The following EIF1 variants were observed in gnomAD, a reference collection of about 807,000 sequenced individuals.
The protein encoded by EIF1 is eukaryotic translation initiation factor 1.
Under a neutral mutation model 13.7 loss-of-function variants are expected in EIF1, and 4 were observed. The observed-to-expected ratio is 0.29, with a 90% confidence interval of 0.14 to 0.67. The LOEUF (loss-of-function observed/expected upper bound fraction) is 0.67. Ranked by LOEUF, EIF1 falls within the 30% of genes least tolerant of loss-of-function variation. The pLI, the probability that EIF1 is intolerant of heterozygous loss-of-function variation, is 0.77. For missense variants in EIF1, 64 were observed against 138.0 expected (o/e 0.46, Z 2.69); for synonymous variants, 67 against 50.7 (o/e 1.32, Z -1.37).
At chr17:41,690,049 C>T in intron 2 of EIF1, 39 bp from the exon 3 acceptor site, 6 of 1,610,692 alleles carry the variant, frequency 3.7e-6, no homozygotes, top group Non-Finnish European at 5.1e-6. Flanking sequence ...TGCGTTCATG[C>T]TCTTGCTAGG....
intron 3 of EIF1, 104 bp downstream of exon 3, chr17:41,690,293 CA>C: frequency 2.3e-6 from 2 of 874,684 alleles, no homozygotes; most frequent in Non-Finnish European, 1.8e-6. Context: ...TAAGGCTGAG[CA>C]AAACCTCAGT....
At chr17:41,689,424 C>T (rs1567766399) in intron 1 of EIF1, 7 of 497,042 alleles carry the variant, frequency 1.4e-5, no homozygotes, top group Non-Finnish European at 2.1e-5. Flanking sequence ...GGTGCCAGCC[C>T]TAAGTGGCAA....
rs1291331484 is a variant in EIF1, at chr17:41,691,492, T to C, written c.*666T>C. 6.5e-6 allele frequency: 1 copy of C among 153,130 alleles called. No homozygotes were observed. The highest frequency in any genetic ancestry group is 6.5e-5 in the Admixed American group (1 of 15,298). 9.5% of individuals were successfully genotyped at this position (153,130 alleles called of 1,614,324 possible). On this transcript the variant is annotated 3_prime_UTR_variant, in exon 4 of 4. Transcript: ENST00000469257. ...AAATCTCAAACTGATCCATCAGTCA[T>C]GTAGCTAGCTGTAGAGCTTGCAACT... is the stretch of plus-strand genomic sequence containing the variant.
In EIF1 at chr17:41,691,246, G is replaced by A; in HGVS notation, c.*420G>A. On this transcript the variant is annotated 3_prime_UTR_variant, in exon 4 of 4. Transcript: ENST00000469257. Reference sequence around the variant, plus strand: ...AGGATGGGGTAAGGCAGAAGCACCAGCTGTACTACTAGAAGGGAGCTTTTG... The same window carrying A: ...AGGATGGGGTAAGGCAGAAGCACCAACTGTACTACTAGAAGGGAGCTTTTG... The A allele has an allele frequency of 3.0e-6, 1 of 330,522 alleles. No homozygotes were observed. The highest frequency in any genetic ancestry group is 4.7e-5 in the East Asian group (1 of 21,340). The allele number at this position is 330,522 out of a possible 1,614,324, so 20.5% of individuals were successfully genotyped here. A position where few individuals can be genotyped will look rare whatever the true frequency, so the allele number is the denominator to read the frequency against.
intron 1 of EIF1, 106 bp downstream of exon 1, chr17:41,689,175 G>GGCAGGGGAAACTTGACCAGGGTC (rs1318084496): frequency 7.4e-7 from 1 of 1,344,904 alleles, no homozygotes; most frequent in Non-Finnish European, 1.1e-6. Flanking sequence ...CGTAAGCTCG[G>GGCAGGGGAAACTTGACCAGGGTC]GCAGGGGAAA....
At chr17:41,689,093 GC>G (rs1910285613) in intron 1 of EIF1, 24 bp downstream of exon 1, 1 of 1,613,154 alleles carries the variant, frequency 6.2e-7, no homozygotes, top group South Asian at 1.1e-5. Flanking sequence ...AAGGTCGCGG[GC>G]CCGGGTGGGG....
chr17:41,689,706 C>A, intron 1 of EIF1, 72 bp from the exon 2 acceptor site: 1 of 1,476,616 alleles, frequency 6.8e-7, no homozygotes, highest in Non-Finnish European at 9.1e-7. Context: ...GCGCAAAACA[C>A]CTGGGGACCG....
rs1910387865 is a variant in EIF1, at chr17:41,691,781, T to C, written c.*955T>C. 6.6e-6 allele frequency: 1 copy of C among 152,596 alleles called. No individual in the cohort carries two copies. The highest frequency in any genetic ancestry group is 2.1e-4 in the South Asian group (1 of 4,826). 9.5% of individuals were successfully genotyped at this position (152,596 alleles called of 1,614,324 possible). On this transcript the variant is annotated 3_prime_UTR_variant, in exon 4 of 4. Coordinates refer to ENST00000469257, the MANE Select transcript of EIF1 (RefSeq NM_005801.4). ...TTGGCCAAGAAAAACCTTTATGAGCTTGTCCCTCTCTGGTCAACTGGTTTT... is the reference window on the plus strand; with the variant it reads ...TTGGCCAAGAAAAACCTTTATGAGCCTGTCCCTCTCTGGTCAACTGGTTTT...
chr17:41,690,692 G>A, intron 3 of EIF1, 90 bp from the exon 4 acceptor site: 1 of 1,444,904 alleles, frequency 6.9e-7, no homozygotes, highest in South Asian at 1.1e-5. Context: ...GGGCAGTGTA[G>A]TAGCAGGAAG....
At chr17:41,689,714 C>T in intron 1 of EIF1, 64 bp from the exon 2 acceptor site, 1 of 1,494,940 alleles carries the variant, frequency 6.7e-7, no homozygotes, top group African/African-American at 1.4e-5. Context: ...CACCTGGGGA[C>T]CGAGGGGATG....
At position 41,691,885 on chromosome 17, in the gene EIF1, A is replaced by C. The variant is rs1334848439; in HGVS notation, c.*1059A>C. On this transcript the variant is annotated 3_prime_UTR_variant, in exon 4 of 4. Coordinates refer to ENST00000469257, the MANE Select transcript of EIF1 (RefSeq NM_005801.4). ...AGTGGCACAATCTCGGCTCACTGCA[A>C]CCTCCACCTCAGGTTCAAGCAATTG... 2 of 152,116 alleles carry C rather than the reference A, an allele frequency of 1.3e-5. No homozygotes were observed. Among genetic ancestry groups the C allele is most frequent in the Non-Finnish European group, 2.9e-5 (2 of 68,050 alleles). The allele number at this position is 152,116 out of a possible 1,614,324, so 9.4% of individuals were successfully genotyped here.
Position 41,688,927 on chromosome 17 carries a change from C to G in EIF1, c.-112C>G. ...GCCGCCGAGGATTCAGCAGCCTCCC[C>G]CTTGAGCCCCCTCGCTTCCCGACGT... is the stretch of plus-strand genomic sequence containing the variant. On this transcript the variant is annotated 5_prime_UTR_variant, in exon 1 of 4. Transcript: ENST00000469257. 2.7e-6 allele frequency: 3 copies of G among 1,112,868 alleles called. No homozygotes were observed. The highest frequency in any genetic ancestry group is 4.0e-6 in the Non-Finnish European group (3 of 755,192). 68.9% of individuals were successfully genotyped at this position (1,112,868 alleles called of 1,614,324 possible).
In EIF1 at chr17:41,692,404, A is replaced by C. The variant is rs1480364066; in HGVS notation, c.*1578A>C. On this transcript the variant is annotated 3_prime_UTR_variant, in exon 4 of 4. Coordinates refer to ENST00000469257, the MANE Select transcript of EIF1 (RefSeq NM_005801.4). ...TCCCTTATGAAGGACAATGAATGGCAAGTAAAAGACCAAGTTCTGTTCCTG... is the reference window on the plus strand; with the variant it reads ...TCCCTTATGAAGGACAATGAATGGCCAGTAAAAGACCAAGTTCTGTTCCTG... 6.6e-6 allele frequency: 1 copy of C among 152,220 alleles called. No homozygotes were observed. The highest frequency in any genetic ancestry group is 2.4e-5 in the African/African-American group (1 of 41,446). 9.4% of individuals were successfully genotyped at this position (152,220 alleles called of 1,614,324 possible).
rs1278452745 is a variant in EIF1 at position 41,689,317 on chromosome 17, G to T, written c.31+248G>T. The T allele has an allele frequency of 8.5e-6, 5 of 591,652 alleles. No homozygotes were observed. In the Admixed American group the frequency reaches 9.2e-5, roughly 11 times the overall value. The allele number at this position is 591,652 out of a possible 1,614,324, so 36.7% of individuals were successfully genotyped here. On this transcript the variant is annotated intron_variant, in intron 1 of 3. Coordinates refer to ENST00000469257, the MANE Select transcript of EIF1 (RefSeq NM_005801.4). Reference sequence around the variant, plus strand: ...CGTCTCAGTGGCGCATTTACTAATGGCTCCTGGGCCTCCTCGGGCCACACC... The same window carrying T: ...CGTCTCAGTGGCGCATTTACTAATGTCTCCTGGGCCTCCTCGGGCCACACC...
intron 3 of EIF1, 31 bp downstream of exon 3, chr17:41,690,220 C>G (rs1910331363): frequency 6.4e-7 from 1 of 1,563,494 alleles, no homozygotes; most frequent in African/African-American, 1.4e-5. Context: ...ATTTGTGCCT[C>G]TCTGCTGGCA....
chr17:41,689,359 ATTGCGTCACGTCCG>A, intron 1 of EIF1: 1 of 555,058 alleles, frequency 1.8e-6, no homozygotes, highest in East Asian at 3.1e-5. Context: ...TCCCGTCACC[ATTGCGTCACGTCCG>A]TTACGTCACC....
rs775402202 is a variant in EIF1 at position 41,690,906 on chromosome 17, T to G, written c.*80T>G. 60 of 1,519,442 alleles carry G rather than the reference T, an allele frequency of 3.9e-5. No individual in the cohort carries two copies. Among genetic ancestry groups the G allele is most frequent in the Non-Finnish European group, 5.3e-5 (58 of 1,096,450 alleles). 94.1% of individuals were successfully genotyped at this position (1,519,442 alleles called of 1,614,324 possible). On this transcript the variant is annotated 3_prime_UTR_variant, in exon 4 of 4. Transcript: ENST00000469257. ...TCCCTTCTCTCCCTTGTCACAGGTT[T>G]AAAAACCTCACAGCTTGTATAATGT...
Position 41,691,328 on chromosome 17 carries a change from C to G in EIF1, c.*502C>G, listed in dbSNP as rs769873000. 2.9e-5 allele frequency: 6 copies of G among 206,720 alleles called. No individual in the cohort carries two copies. Among genetic ancestry groups the G allele is most frequent in the African/African-American group, 1.4e-4 (6 of 43,692 alleles). 12.8% of individuals were successfully genotyped at this position (206,720 alleles called of 1,614,324 possible). The stretch of plus-strand genomic sequence containing the variant: ...TAGGTGGACAGAGCTCAAAGAGGCC[C>G]TCTTACCGCTAGCGAGGTGATAGGA... On this transcript the variant is annotated 3_prime_UTR_variant, in exon 4 of 4. Transcript: ENST00000469257.
intron 3 of EIF1, 74 bp downstream of exon 3, chr17:41,690,263 G>A: frequency 2.2e-6 from 3 of 1,346,284 alleles, no homozygotes; most frequent in Middle Eastern, 1.8e-4. Context: ...CTTCTGCTGG[G>A]GACATAAAAG....
Sources: allele counts gnomAD v4.1 joint callset, GRCh38; gene constraint gnomAD v4.1.1; transcripts MANE v1.5; gene names NCBI Gene and HGNC (gene_info 2026-07-23, HGNC 2026-07-21).